FLI1: variants seen among roughly 807,000 people sequenced by gnomAD.
FLI1 encodes the protein Fli-1 proto-oncogene, ETS transcription factor.
Under a neutral mutation model 53.1 loss-of-function variants are expected in FLI1, and 13 were observed. The ratio of observed to expected loss-of-function variants is 0.24; its 90% CI spans 0.16 to 0.39. The LOEUF (loss-of-function observed/expected upper bound fraction) is 0.39, where lower values mean the gene tolerates loss of function less well. Ranked by LOEUF, FLI1 falls within the 10% of genes least tolerant of loss-of-function variation. FLI1 has a pLI of 1.00. For synonymous variants in FLI1, 244 were observed against 236.7 expected (o/e 1.03, Z -0.28); for missense variants, 424 against 600.5 (o/e 0.71, Z 3.07).
At chr11:128,689,043 T>C (rs898407534), upstream of FLI1, among the ~76,000 whole-genome samples, 1 of 152,168 alleles carries the variant, frequency 6.6e-6, no homozygotes, top group African/African-American at 2.4e-5. Flanking sequence ...GCTTATTTCG[T>C]CTTTACAACA....
chr11:128,789,222 C>T (rs1488877497), intron 5 of FLI1, among the ~76,000 whole-genome samples: 1 of 152,120 alleles, frequency 6.6e-6, no homozygotes, highest in African/African-American at 2.4e-5. Context: ...TGAGCCCTTG[C>T]AGGAATAACT....
chr11:128,751,931 G>T (rs969451932), intron 1 of FLI1, among the ~76,000 whole-genome samples: 1 of 151,472 alleles, frequency 6.6e-6, no homozygotes, highest in Non-Finnish European at 1.5e-5. Context: ...CAAAAGTGCT[G>T]GGATTATGGG....
chr11:128,746,535 C>G (rs1048293208), intron 1 of FLI1, among the ~76,000 whole-genome samples: 1 of 152,162 alleles, frequency 6.6e-6, no homozygotes, highest in Non-Finnish European at 1.5e-5. Context: ...CCCTGCAGAC[C>G]CAGATTGAGA....
chr11:128,720,745 C>T (rs1002384620), intron 1 of FLI1, among the ~76,000 whole-genome samples: 3 of 152,242 alleles, frequency 2.0e-5, no homozygotes, highest in Non-Finnish European at 4.4e-5. Context: ...CGTTGTCAGA[C>T]TCCGCGGGCC....
In FLI1 at chr11:128,810,806, G is replaced by A. The variant is rs139830377; in HGVS notation, c.1177G>A (p.Ala393Thr). ...CATCTCCTACATGCCTTCCTACCAT[G>A]CCCACCAGCAGAAGGTGAACTTTGT... Reference protein sequence around the residue: ...SDISYMPSYHAHQQKVNFVPP... With the variant: ...SDISYMPSYHTHQQKVNFVPP... The change falls in exon 9 of 9, where the codon GCC becomes ACC. Residue 393 changes from alanine (A) to threonine (T), a missense_variant. Transcript: ENST00000527786. The surrounding 1 kb of genome is among the most constrained non-coding windows in gnomAD (Gnocchi z 6.6). The A allele has an allele frequency of 5.4e-4, 868 of 1,613,968 alleles. 7 individuals carry two copies. In the East Asian group the frequency reaches 0.011, roughly 21 times the overall value.
At chr11:128,718,444 G>C (rs1393403130) in intron 1 of FLI1, among the ~76,000 whole-genome samples, 1 of 141,660 alleles carries the variant, frequency 7.1e-6, no homozygotes, top group African/African-American at 2.7e-5. Context: ...ACATTCAGAG[G>C]CTCCCCCAGA....
rs370689500 is a variant in FLI1 at position 128,783,511 on chromosome 11, G to A, written c.655+1488G>A. Among the ~76,000 whole-genome samples the A allele has an allele frequency of 1.3e-3, 204 of 152,274 alleles. 2 individuals are homozygous for A. The highest frequency in any genetic ancestry group is 4.6e-3 in the African/African-American group (191 of 41,556). On this transcript the variant is annotated intron_variant, in intron 5 of 8. Coordinates refer to ENST00000527786, the MANE Select transcript of FLI1 (RefSeq NM_002017.5). ...TTCCTTTCCAAATCAGATTTCTTGA[G>A]TTTTGTCATGAACGCTGAATTTCTA...
chr11:128,738,711 A>G (rs1325883882), intron 1 of FLI1, among the ~76,000 whole-genome samples: 2 of 152,222 alleles, frequency 1.3e-5, no homozygotes, highest in Non-Finnish European at 2.9e-5. Context: ...AGACAATGCA[A>G]TGACTAAGAG....
chr11:128,688,147 C>G (rs951430037), intron 1 of FLI1, among the ~76,000 whole-genome samples: 2 of 152,108 alleles, frequency 1.3e-5, no homozygotes, highest in Non-Finnish European at 2.9e-5. Context: ...CAGTCTCTCT[C>G]CCACTCATAG....
chr11:128,768,635 G>A (rs1256629436), intron 3 of FLI1: 1 of 212,534 alleles, frequency 4.7e-6, no homozygotes, highest in Non-Finnish European at 9.3e-6. Flanking sequence ...GTTGCAGGGA[G>A]CCAAGATCAC....
intron 3 of FLI1, among the ~76,000 whole-genome samples, chr11:128,771,855 G>C (rs770666796): frequency 6.6e-6 from 1 of 152,200 alleles, no homozygotes; most frequent in Non-Finnish European, 1.5e-5. Flanking sequence ...TTGAAGGCAA[G>C]CGTCATGTAA....
intron 5 of FLI1, among the ~76,000 whole-genome samples, chr11:128,788,466 C>G (rs774359513): frequency 1.3e-5 from 2 of 151,772 alleles, no homozygotes; most frequent in Non-Finnish European, 2.9e-5. Flanking sequence ...GAGACTCTGT[C>G]TCAAAAAACA....
chr11:128,746,900 G>A (rs1940416356), intron 1 of FLI1, among the ~76,000 whole-genome samples: 1 of 152,218 alleles, frequency 6.6e-6, no homozygotes, highest in African/African-American at 2.4e-5. Context: ...GACCCAGCTG[G>A]TGGCCAGTGC....
chr11:128,725,664 G>C (rs12293343), intron 1 of FLI1, among the ~76,000 whole-genome samples: 2,968 of 40,762 alleles, frequency 0.073, 81 homozygotes, highest in African/African-American at 0.15. Context: ...CTCTCTCTCT[G>C]TGTGTGTGTG....
intron 1 of FLI1, among the ~76,000 whole-genome samples, chr11:128,709,056 G>C (rs2135715191): frequency 6.6e-6 from 1 of 152,342 alleles, no homozygotes; most frequent in East Asian, 1.9e-4. Context: ...TTTTGTGAAA[G>C]CCACATGCAG....
chr11:128,781,073 G>A (rs1300863698), intron 4 of FLI1, among the ~76,000 whole-genome samples: 1 of 152,148 alleles, frequency 6.6e-6, no homozygotes, highest in African/African-American at 2.4e-5. Flanking sequence ...CAAAGTGCTG[G>A]GTACAGAAGA....
intron 1 of FLI1, among the ~76,000 whole-genome samples, chr11:128,707,440 G>C (rs1938593352): frequency 6.6e-6 from 1 of 152,174 alleles, no homozygotes; most frequent in Non-Finnish European, 1.5e-5. Context: ...CACTTTTCTA[G>C]AAAGGAGAGG....
intron 8 of FLI1, 135 bp downstream of exon 8, chr11:128,809,339 T>G: frequency 5.1e-6 from 4 of 782,418 alleles, no homozygotes; most frequent in Non-Finnish European, 8.8e-6. Context: ...ATGTTCAATG[T>G]CTGTTTCTGG....
intron 1 of FLI1, among the ~76,000 whole-genome samples, chr11:128,709,973 A>G (rs1029797138): frequency 6.6e-6 from 1 of 152,216 alleles, no homozygotes; most frequent in African/African-American, 2.4e-5. Context: ...CTTTGGTGTG[A>G]GTGAAGGGAC....
Sources: allele counts gnomAD v4.1 joint callset (sites outside exome capture counted in the v4.1 genomes callset), GRCh38; gene constraint gnomAD v4.1.1; non-coding constraint Gnocchi (gnomAD v3.1); transcripts MANE v1.5; gene names NCBI Gene and HGNC (gene_info 2026-07-23, HGNC 2026-07-21).